KIF21B: variants seen among roughly 807,000 people sequenced by gnomAD.
The protein encoded by KIF21B is kinesin-like protein KIF21B.
KIF21B carries 85 observed loss-of-function variants against 192.9 expected under a neutral mutation model. The ratio of observed to expected loss-of-function variants is 0.44; its 90% CI spans 0.37 to 0.53. The LOEUF is 0.53. Ranked by LOEUF, KIF21B falls within the 20% of genes least tolerant of loss-of-function variation. The pLI is 0.00. For synonymous variants in KIF21B, 832 were observed against 884.6 expected (o/e 0.94, Z 1.05); for missense variants, 1,716 against 2,194.8 (o/e 0.78, Z 4.36).
Position 201,003,717 on chromosome 1 carries a change from G to A in KIF21B, c.1081C>T (p.Leu361Phe), listed in dbSNP as rs1362848044. Residue 361 changes from leucine (L) to phenylalanine (F), a missense_variant, in exon 8 of 35, where the codon CTC becomes TTC. Physicochemically the swap from Leu to Phe is conservative, Grantham distance 22. Transcript: ENST00000461742. ...TTGCGGGCCCGATTGGCATATTTGA[G>A]TGTGTTGAGGGTCTCCATGAAATCT... The part of the protein sequence containing the change: ...DRDFMETLNT[L>F]KYANRARNIK... The A allele has an allele frequency of 6.2e-7, 1 of 1,614,204 alleles. No individual in the cohort carries two copies. Among genetic ancestry groups the A allele is most frequent in the South Asian group, 1.1e-5 (1 of 91,084 alleles).
intron 6 of KIF21B, 44 bp downstream of exon 6, chr1:201,004,722 T>C: frequency 6.2e-7 from 1 of 1,608,686 alleles, no homozygotes; most frequent in African/African-American, 1.3e-5. Context: ...GGTCTGAGAC[T>C]GAGCTGTGTG....
intron 27 of KIF21B, 105 bp from the exon 28 acceptor site, chr1:200,983,199 C>T: frequency 1.1e-6 from 1 of 948,154 alleles, no homozygotes; most frequent in Non-Finnish European, 1.6e-6. Flanking sequence ...GCAGGTTATT[C>T]TCTTCCAGCG....
intron 30 of KIF21B, 125 bp from the exon 31 acceptor site, chr1:200,977,501 GAC>G (rs1377732597): frequency 1.7e-6 from 2 of 1,169,312 alleles, no homozygotes; most frequent in Non-Finnish European, 2.4e-6. Context: ...TTCCTTGACT[GAC>G]AGAGAAGAGC....
chr1:201,007,363 C>CACACAG (rs1367320456), intron 3 of KIF21B, among the ~76,000 whole-genome samples: 1 of 119,092 alleles, frequency 8.4e-6, no homozygotes, highest in African/African-American at 3.8e-5. Context: ...TAGACACACA[C>CACACAG]ACACACACAG....
chr1:200,988,935 G>A lies in KIF21B; in HGVS notation c.3133-4C>T, dbSNP rs368906032. The A allele has an allele frequency of 5.0e-6, 8 of 1,607,268 alleles. No homozygotes were observed. The African/African-American group carries it at 9.4e-5, about 19-fold the overall frequency. ...CCTTTTGTGCCACTTGCAGCCCCTGGGGGCAGGGAACAAAGCCTGGAGTTA... is the reference window on the plus strand; with the variant it reads ...CCTTTTGTGCCACTTGCAGCCCCTGAGGGCAGGGAACAAAGCCTGGAGTTA... On this transcript the variant is annotated splice_polypyrimidine_tract_variant and splice_region_variant and intron_variant, in intron 21 of 34. Coordinates refer to ENST00000461742, the MANE Select transcript of KIF21B (RefSeq NM_001252102.2).
In KIF21B at chr1:200,998,581, G is replaced by T; in HGVS notation, c.1886-6C>A. The T allele has an allele frequency of 6.2e-7, 1 of 1,612,262 alleles. No individual in the cohort carries two copies. On this transcript the variant is annotated splice_polypyrimidine_tract_variant and splice_region_variant and intron_variant, in intron 13 of 34. Coordinates refer to ENST00000461742, the MANE Select transcript of KIF21B (RefSeq NM_001252102.2). The surrounding 1 kb of genome is among the most constrained non-coding windows in gnomAD (Gnocchi z 4.3). ...GTCCGCCTGGAAGTTCACCTCTATG[G>T]GGGCACAATCAGGCTCAGCCCAGCG...
Position 201,000,574 on chromosome 1 carries a change from A to T in KIF21B, c.1501T>A (p.Ser501Thr). ...KLLESEAMNE[S>T]LRRSLSRASA... is the part of the protein sequence containing the mutation. ...GCCCGTGAGAGGCTGCGGCGCAGGG[A>T]CTCGTTCATGGCTTCACTCTCTAGA... The change falls in exon 11 of 35, where the codon TCC (serine) becomes ACC (threonine). Residue 501 changes from serine (S) to threonine (T), a missense_variant. Ser to Thr is a moderately conservative substitution (Grantham distance 58). This residue lies in a region of KIF21B where 1,087 missense variants were observed against 1,316.6 expected (regional missense o/e 0.83). Coordinates refer to ENST00000461742, the MANE Select transcript of KIF21B (RefSeq NM_001252102.2). The surrounding 1 kb of genome is among the most constrained non-coding windows in gnomAD (Gnocchi z 6.0). The T allele has an allele frequency of 6.2e-7, 1 of 1,613,272 alleles. No homozygotes were observed. The highest frequency in any genetic ancestry group is 8.5e-7 in the Non-Finnish European group (1 of 1,179,846).
chr1:200,988,723 G>T, intron 22 of KIF21B, 43 bp downstream of exon 22: 1 of 1,577,236 alleles, frequency 6.3e-7, no homozygotes, highest in Non-Finnish European at 8.6e-7. Context: ...AAGAGCACTG[G>T]AATGCCAAGG....
chr1:200,975,663 C>T lies in KIF21B; in HGVS notation c.4450G>A (p.Glu1484Lys), dbSNP rs146030020. 386 of 1,607,898 alleles carry T rather than the reference C, an allele frequency of 2.4e-4. 6 individuals carry two copies. In the South Asian group the frequency reaches 3.3e-3, roughly 14 times the overall value. The change falls in exon 33 of 35, where the codon GAG becomes AAG. Residue 1484 changes from glutamate to lysine, a missense_variant. Coordinates refer to ENST00000461742, the MANE Select transcript of KIF21B (RefSeq NM_001252102.2). The surrounding 1 kb of genome is among the most constrained non-coding windows in gnomAD (Gnocchi z 4.3). ...GTGCCCGTCACACACTCGCCCAGCT[C>T]GAACATCTGTGGGAGGAGGGGCCAG... ...GSKDHYVKMFELGECVTGTIG... is the reference protein window; with the variant it reads ...GSKDHYVKMFKLGECVTGTIG...
At chr1:201,013,496 G>T (rs1364157625) in intron 1 of KIF21B, among the ~76,000 whole-genome samples, 1 of 152,148 alleles carries the variant, frequency 6.6e-6, no homozygotes, top group East Asian at 1.9e-4. Flanking sequence ...GGCATGGGAG[G>T]GGGGTCAAGG....
chr1:200,999,441 C>T lies in KIF21B; in HGVS notation c.1793G>A (p.Gly598Asp). The change falls in exon 13 of 35, where the codon GGC (glycine) becomes GAC (aspartate). Residue 598 changes from glycine (G) to aspartate (D), a missense_variant. By Grantham distance (94) the Gly-to-Asp change is moderately conservative. Coordinates refer to ENST00000461742, the MANE Select transcript of KIF21B (RefSeq NM_001252102.2). The surrounding 1 kb of genome is among the most constrained non-coding windows in gnomAD (Gnocchi z 4.7). ...CTCGCGCCCTTCCTCCTCCTCACAG[C>T]CACTCTCGTCTCGCTCTTCCTCCTC... ...EEEEEERDES[G>D]CEEEEGREDE... 6.2e-7 allele frequency: 1 copy of T among 1,614,092 alleles called. No individual in the cohort carries two copies. The highest frequency in any genetic ancestry group is 8.5e-7 in the Non-Finnish European group (1 of 1,179,980).
At chr1:200,973,700 A>C (rs1039010263) in intron 34 of KIF21B, 122 bp from the exon 35 acceptor site, 83 of 1,498,048 alleles carry the variant, frequency 5.5e-5, no homozygotes, top group Non-Finnish European at 5.4e-5. Flanking sequence ...TGGGGCTGGG[A>C]GGCAAGCATG....
rs1558001399 is a variant in KIF21B, at chr1:200,983,035, CGA to C, written c.3842+19_3842+20del. ...GAGAGTGAGAGTGGGGAACCAAACA[CGA>C]GAGACATTCTGTGTGTACCTCAGGA... On this transcript the variant is annotated intron_variant, in intron 28 of 34. Coordinates refer to ENST00000461742, the MANE Select transcript of KIF21B (RefSeq NM_001252102.2). 21 of 1,535,102 alleles carry C rather than the reference CGA, an allele frequency of 1.4e-5. No individual in the cohort carries two copies. Among genetic ancestry groups the C allele is most frequent in the Admixed American group, 2.0e-5 (1 of 50,964 alleles).
At position 201,005,692 on chromosome 1, in the gene KIF21B, G is replaced by C. The variant is rs1381278909; in HGVS notation, c.450C>G (p.Leu150=). Residue 150 remains leucine, a splice_region_variant and synonymous_variant, in exon 4 of 35, where the codon CTC becomes CTG. Coordinates refer to ENST00000461742, the MANE Select transcript of KIF21B (RefSeq NM_001252102.2). Reference sequence around the variant, plus strand: ...ACAGGTCAAGGATCTCCTCGTTGTAGAGCTGTGCAGGAAGGAAACAGCTGA... The same window carrying C: ...ACAGGTCAAGGATCTCCTCGTTGTACAGCTGTGCAGGAAGGAAACAGCTGA... The part of the protein sequence containing the change: ...EFKVSAQFLE[L]YNEEILDLFD... The C allele has an allele frequency of 1.2e-6, 2 of 1,613,860 alleles. No individual in the cohort carries two copies. Among genetic ancestry groups the C allele is most frequent in the African/African-American group, 1.3e-5 (1 of 75,056 alleles).
chr1:200,997,848 C>T (rs55757739), intron 14 of KIF21B, among the ~76,000 whole-genome samples: 33,338 of 152,128 alleles, frequency 0.22, 4,047 homozygotes, highest in Non-Finnish European at 0.28. Context: ...ATAGTTTCTG[C>T]TCTTTCGTTT....
chr1:201,019,437 T>C (rs1169256221), intron 1 of KIF21B, among the ~76,000 whole-genome samples: 1 of 152,018 alleles, frequency 6.6e-6, no homozygotes, highest in Admixed American at 6.5e-5. Flanking sequence ...AGGTGCCCCA[T>C]GACGAAGCCA....
intron 8 of KIF21B, 75 bp downstream of exon 8, chr1:201,003,511 G>C (rs776252787): frequency 1.4e-6 from 2 of 1,472,540 alleles, no homozygotes; most frequent in Non-Finnish European, 1.9e-6. Context: ...GTTAGGGTGA[G>C]GCTGCAGGGC....
chr1:200,975,355 AG>A lies in KIF21B; in HGVS notation c.4614+143del. 1.4e-6 allele frequency: 1 copy of A among 694,912 alleles called. No homozygotes were observed. The highest frequency in any genetic ancestry group is 2.4e-6 in the Non-Finnish European group (1 of 412,044). 43.0% of individuals were successfully genotyped at this position (694,912 alleles called of 1,614,324 possible). Reference sequence around the variant, plus strand: ...GGGAGGATGGAGACAGAGGAGGAAGAGGGAGAACAGGAGGGCTTGGGGAGCT... The same window carrying A: ...GGGAGGATGGAGACAGAGGAGGAAGAGGAGAACAGGAGGGCTTGGGGAGCT... On this transcript the variant is annotated intron_variant, in intron 33 of 34. Coordinates refer to ENST00000461742, the MANE Select transcript of KIF21B (RefSeq NM_001252102.2). The surrounding 1 kb of genome is among the most constrained non-coding windows in gnomAD (Gnocchi z 4.3).
rs777397981 is a variant in KIF21B at position 201,003,664 on chromosome 1, C to T, written c.1134G>A (p.Gln378=). Residue 378 remains glutamine (Q), a synonymous_variant, in exon 8 of 35, where the codon CAG becomes CAA. Transcript: ENST00000461742. Reference sequence around the variant, plus strand: ...CACTGATTTGCTGGCTGGTCTTGTCCTGGTTCACTACCACCTTGTTCTTGA... The same window carrying T: ...CACTGATTTGCTGGCTGGTCTTGTCTTGGTTCACTACCACCTTGTTCTTGA... The part of the protein sequence containing the change: ...RNIKNKVVVN[Q]DKTSQQISAL... 1 of 1,614,232 alleles carries T rather than the reference C, an allele frequency of 6.2e-7. No homozygotes were observed. The highest frequency in any genetic ancestry group is 8.5e-7 in the Non-Finnish European group (1 of 1,180,034).
Sources: allele counts gnomAD v4.1 joint callset (sites outside exome capture counted in the v4.1 genomes callset), GRCh38; gene constraint gnomAD v4.1.1; regional missense constraint gnomAD v4.1.1; non-coding constraint Gnocchi (gnomAD v3.1); transcripts MANE v1.5; gene names NCBI Gene and HGNC (gene_info 2026-07-23, HGNC 2026-07-21).